Variants in AOPEP observed in about 807,000 individuals in gnomAD.
AOPEP encodes aminopeptidase O (putative), also known as aminopeptidase O.
A neutral mutation model predicts 98.1 loss-of-function variants in AOPEP; 77 were observed. The ratio of observed to expected loss-of-function variants is 0.78; its 90% CI spans 0.65 to 0.95. The LOEUF (loss-of-function observed/expected upper bound fraction) is 0.95, where lower values mean the gene tolerates loss of function less well. AOPEP is among the 40% of genes least tolerant of loss of function. The pLI is 0.00. For synonymous variants in AOPEP, 346 were observed against 365.3 expected (o/e 0.95, Z 0.60); for missense variants, 1,024 against 1,024.7 (o/e 1.00, Z 0.01).
chr9:95,078,491 T>C (rs1004555811), intron 14 of AOPEP, among the ~76,000 whole-genome samples: 2 of 152,254 alleles, frequency 1.3e-5, no homozygotes, highest in African/African-American at 4.8e-5. Flanking sequence ...GTTAGAACAC[T>C]TTAAAGAACA....
At chr9:95,035,827 A>AT (rs146176950) in intron 13 of AOPEP, among the ~76,000 whole-genome samples, 14,310 of 147,368 alleles carry the variant, frequency 0.097, 813 homozygotes, top group African/African-American at 0.16. Context: ...AGCCCAGATA[A>AT]TTTTTTTTTT....
At chr9:94,875,506 TG>T (rs1329735011) in intron 5 of AOPEP, among the ~76,000 whole-genome samples, 10 of 152,182 alleles carry the variant, frequency 6.6e-5, no homozygotes, top group African/African-American at 2.4e-4. Flanking sequence ...GAGAAACAGC[TG>T]AATTGGTTTA....
intron 11 of AOPEP, among the ~76,000 whole-genome samples, chr9:94,997,963 T>G (rs1442087057): frequency 1.3e-5 from 2 of 152,094 alleles, no homozygotes; most frequent in Non-Finnish European, 2.9e-5. Flanking sequence ...CCTCCCGAAG[T>G]GCTAGCATTA....
At chr9:94,872,025 C>G (rs748790226) in intron 5 of AOPEP, among the ~76,000 whole-genome samples, 1 of 151,766 alleles carries the variant, frequency 6.6e-6, no homozygotes, top group East Asian at 1.9e-4. Flanking sequence ...AAAAAAAAGA[C>G]GAAATTTTCC....
the AOPEP span, among the ~76,000 whole-genome samples, chr9:95,141,985 G>GTTTTTTTTTTTTTTTT: frequency 1.2e-5 from 1 of 83,138 alleles, no homozygotes; most frequent in African/African-American, 4.8e-5. Context: ...AGTTTGTGGG[G>GTTTTTTTTTTTTTTTT]TTTTTTTTTT....
chr9:94,906,706 T>C (rs1412646178), intron 5 of AOPEP, among the ~76,000 whole-genome samples: 2 of 152,162 alleles, frequency 1.3e-5, no homozygotes, highest in African/African-American at 4.8e-5. Context: ...TGAATGTCTC[T>C]TCCTGCTACA....
chr9:95,146,546 A>T, the AOPEP span, among the ~76,000 whole-genome samples: 1 of 151,536 alleles, frequency 6.6e-6, no homozygotes, highest in Non-Finnish European at 1.5e-5. Context: ...AAAATGATTT[A>T]AAAACCACAG....
At chr9:94,772,853 C>T (rs1841192368) in intron 2 of AOPEP, 149 bp from the exon 3 acceptor site, 2 of 672,250 alleles carry the variant, frequency 3.0e-6, no homozygotes, top group Non-Finnish European at 4.8e-6. Context: ...TTGGCAGCTT[C>T]AGTTCAAAAT....
chr9:95,130,505 A>G, the AOPEP span, among the ~76,000 whole-genome samples: 3 of 152,252 alleles, frequency 2.0e-5, no homozygotes, highest in African/African-American at 7.2e-5. Context: ...TTAAAAATAA[A>G]GAAGGAAATA....
At chr9:95,024,458 G>T (rs2063690973) in intron 13 of AOPEP, among the ~76,000 whole-genome samples, 1 of 152,210 alleles carries the variant, frequency 6.6e-6, no homozygotes, top group Admixed American at 6.5e-5. Flanking sequence ...CCTCAGCCTT[G>T]AGAGTGACCA....
chr9:94,884,733 C>T (rs914684804), intron 5 of AOPEP, among the ~76,000 whole-genome samples: 4 of 152,010 alleles, frequency 2.6e-5, no homozygotes, highest in African/African-American at 9.7e-5. Context: ...AGGCACTGGC[C>T]GGGCGCGGTG....
chr9:95,079,279 T>G (rs969757154), intron 14 of AOPEP, among the ~76,000 whole-genome samples: 2 of 152,268 alleles, frequency 1.3e-5, no homozygotes, highest in African/African-American at 4.8e-5. Context: ...AGGAGAGATC[T>G]GGCTAGGTCA....
chr9:94,899,350 A>ATT (rs35635785), intron 5 of AOPEP, among the ~76,000 whole-genome samples: 100 of 97,822 alleles, frequency 1.0e-3, no homozygotes, highest in African/African-American at 3.3e-3. Context: ...ACGCCCGGCT[A>ATT]TTTTTTTTTT....
In AOPEP at chr9:95,082,689, C is replaced by G. The variant is rs769454549; in HGVS notation, c.2434C>G (p.Gln812Glu). 50 of 1,614,084 alleles carry G rather than the reference C, an allele frequency of 3.1e-5. No homozygotes were observed. Among genetic ancestry groups the G allele is most frequent in the Non-Finnish European group, 4.2e-5 (49 of 1,180,040 alleles). ...TKEQMDRSSA[Q>E]VVAEMLF is the part of the protein sequence containing the mutation. The stretch of plus-strand genomic sequence containing the variant: ...GGAGCAGATGGATAGGTCCTCAGCC[C>G]AGGTGGTGGCCGAAATGTTATTTTA... The change falls in exon 16 of 17, where the codon CAG becomes GAG. Residue 812 changes from glutamine (Q) to glutamate (E), a missense_variant. Gln to Glu is a conservative substitution (Grantham distance 29, BLOSUM62 2). This residue lies in a region of AOPEP where 566 missense variants were observed against 551.7 expected (regional missense o/e 1.03). Coordinates refer to ENST00000375315, the MANE Select transcript of AOPEP (RefSeq NM_001193329.3).
intron 5 of AOPEP, among the ~76,000 whole-genome samples, chr9:94,839,231 G>A (rs186588058): frequency 1.2e-3 from 180 of 151,988 alleles, no homozygotes; most frequent in Admixed American, 2.2e-3. Context: ...GACTACAGGC[G>A]CCCACCACCA....
Position 94,760,585 on chromosome 9 carries a change from G to T in AOPEP, c.797+5G>T. The T allele has an allele frequency of 2.0e-6, 3 of 1,531,288 alleles. No individual in the cohort carries two copies. Among genetic ancestry groups the T allele is most frequent in the Non-Finnish European group, 2.6e-6 (3 of 1,143,310 alleles). The allele number at this position is 1,531,288 out of a possible 1,614,324, so 94.9% of individuals were successfully genotyped here. A position where few individuals can be genotyped will look rare whatever the true frequency, so the allele number is the denominator to read the frequency against. ...GACCTCAGACCAGAGTGGCAGGTAGGTTATCCAAGCACTTCAAAGCCCTGT... is the reference window on the plus strand; with the variant it reads ...GACCTCAGACCAGAGTGGCAGGTAGTTTATCCAAGCACTTCAAAGCCCTGT... On this transcript the variant is annotated splice_donor_5th_base_variant and intron_variant, in intron 2 of 16. Transcript: ENST00000375315.
intron 14 of AOPEP, among the ~76,000 whole-genome samples, chr9:95,061,836 T>G (rs1250071749): frequency 1.3e-5 from 2 of 152,268 alleles, no homozygotes; most frequent in African/African-American, 2.4e-5. Flanking sequence ...TTTACCCACC[T>G]GAGCATAGAC....
At position 95,070,136 on chromosome 9, in the gene AOPEP, C is replaced by T. The variant is rs535529352; in HGVS notation, c.2232+9326C>T. Among the ~76,000 whole-genome samples, 4 of 152,332 alleles carry T rather than the reference C, an allele frequency of 2.6e-5. No homozygotes were observed. In the East Asian group the frequency reaches 5.8e-4, roughly 22 times the overall value. ...TGGGACTGAGCAGGTAGACGGCCTC[C>T]ACCTGTCCAGAAGCCCCTGGGGCAG... On this transcript the variant is annotated intron_variant, in intron 14 of 16. Transcript: ENST00000375315.
intron 5 of AOPEP, among the ~76,000 whole-genome samples, chr9:94,834,546 A>G (rs745327705): frequency 6.6e-6 from 1 of 152,174 alleles, no homozygotes. Flanking sequence ...TAATCCTGGC[A>G]CTTTGGGAGT....
Sources: allele counts gnomAD v4.1 joint callset (sites outside exome capture counted in the v4.1 genomes callset), GRCh38; gene constraint gnomAD v4.1.1; regional missense constraint gnomAD v4.1.1; transcripts MANE v1.5; gene names NCBI Gene and HGNC (gene_info 2026-07-23, HGNC 2026-07-21).